Variants in SLC2A3 observed in about 807,000 individuals in gnomAD.
The protein encoded by SLC2A3 is solute carrier family 2, facilitated glucose transporter member 3.
SLC2A3 carries 21 observed loss-of-function variants against 46.4 expected under a neutral mutation model. The ratio of observed to expected loss-of-function variants is 0.45; its 90% CI spans 0.32 to 0.65. The LOEUF (loss-of-function observed/expected upper bound fraction) is 0.65, where lower values mean the gene tolerates loss of function less well. Among genes scored for constraint, SLC2A3 ranks in the 30% least tolerant of loss-of-function variants. SLC2A3 has a pLI of 0.04. For synonymous variants in SLC2A3, 213 were observed against 239.4 expected, an observed-to-expected ratio of 0.89 and a Z score of 1.02; for missense variants, 499 against 623.3, an observed-to-expected ratio of 0.80 and a Z score of 2.12.
Position 7,922,954 on chromosome 12 carries a change from C to G in SLC2A3, c.1139G>C (p.Gly380Ala). The change falls in exon 9 of 10, where the codon GGA (glycine) becomes GCA (alanine). Residue 380 changes from glycine (G) to alanine (A), a missense_variant. Gly to Ala is a moderately conservative substitution (Grantham distance 60, BLOSUM62 0). Coordinates refer to ENST00000075120, the MANE Select transcript of SLC2A3 (RefSeq NM_006931.3). ...ILVFVAFFEI[G>A]PGPIPWFIVA... ...AATAAACCAGGGAATGGGGCCTGGT[C>G]CAATTTCAAAGAAGGCTACAAAGAC... The G allele has an allele frequency of 6.2e-7, 1 of 1,614,084 alleles. No homozygotes were observed. Among genetic ancestry groups the G allele is most frequent in the Non-Finnish European group, 8.5e-7 (1 of 1,180,012 alleles).
chr12:7,933,466 G>C (rs7299608), intron 2 of SLC2A3: 202,252 of 466,554 alleles, frequency 0.43, 46,372 homozygotes, highest in Non-Finnish European at 0.49. Context: ...GTGGGAGGAA[G>C]AACAGCACCG....
intron 9 of SLC2A3, among the ~76,000 whole-genome samples, chr12:7,921,998 A>T (rs1212362541): frequency 2.0e-5 from 3 of 151,358 alleles, no homozygotes; most frequent in African/African-American, 7.3e-5. Flanking sequence ...TTTGAGACTA[A>T]CCTGGGCAAC....
chr12:7,926,984 T>C (rs115243640), intron 6 of SLC2A3, among the ~76,000 whole-genome samples: 3,663 of 152,230 alleles, frequency 0.024, 146 homozygotes, highest in African/African-American at 0.082. Flanking sequence ...GGGAACATTA[T>C]CTAGGTTACC....
rs780352471 is a variant in SLC2A3 at position 7,924,421 on chromosome 12, A to C, written c.1057T>G (p.Leu353Val). 1.9e-6 allele frequency: 3 copies of C among 1,610,836 alleles called. No individual in the cohort carries two copies. Among genetic ancestry groups the C allele is most frequent in the Non-Finnish European group, 2.5e-6 (3 of 1,179,230 alleles). The stretch of plus-strand genomic sequence containing the variant: ...CAAAGAGCACCTACCTTTAATAACA[A>C]AGAAACAGTCATGAGCGTGGAACAA... ...AFCSTLMTVS[L>V]LLKDNYNGMS... Residue 353 changes from leucine (L) to valine (V), a missense_variant, in exon 8 of 10, where the codon TTG becomes GTG. Transcript: ENST00000075120.
chr12:7,922,344 C>T (rs1946045800), intron 9 of SLC2A3, among the ~76,000 whole-genome samples: 1 of 152,118 alleles, frequency 6.6e-6, no homozygotes, highest in Non-Finnish European at 1.5e-5. Context: ...GAATTACAGG[C>T]TTGAGCCACT....
At chr12:7,927,938 A>T (rs79562756) in intron 6 of SLC2A3, among the ~76,000 whole-genome samples, 2,056 of 151,826 alleles carry the variant, frequency 0.014, 47 homozygotes, top group African/African-American at 0.047. Flanking sequence ...AAATACGAAA[A>T]AATAAGCAAG....
rs766100039 is a variant in SLC2A3, at chr12:7,923,016, A to G, written c.1077T>C (p.Tyr359=). ...CAATACAGACAAAGCTCATCCCATT[A>G]TAGTTATCCTGTAAGAGCAAGGAAC... is the stretch of plus-strand genomic sequence containing the variant. ...MTVSLLLKDN[Y]NGMSFVCIGA... The change falls in exon 9 of 10, where the codon TAT becomes TAC. Residue 359 remains tyrosine (Y), a synonymous_variant. Coordinates refer to ENST00000075120, the MANE Select transcript of SLC2A3 (RefSeq NM_006931.3). 6.2e-7 allele frequency: 1 copy of G among 1,613,148 alleles called. No homozygotes were observed. The highest frequency in any genetic ancestry group is 8.5e-7 in the Non-Finnish European group (1 of 1,179,598).
At chr12:7,934,954 G>T (rs542020371) in intron 1 of SLC2A3, among the ~76,000 whole-genome samples, 8 of 152,016 alleles carry the variant, frequency 5.3e-5, no homozygotes, top group Non-Finnish European at 1.0e-4. Flanking sequence ...TTCTTCTTTA[G>T]TCTCATAATT....
chr12:7,925,827 C>G lies in SLC2A3; in HGVS notation c.966+17G>C. On this transcript the variant is annotated intron_variant, in intron 7 of 9. Coordinates refer to ENST00000075120, the MANE Select transcript of SLC2A3 (RefSeq NM_006931.3). ...GATTCTTTTCTCCCCTCAAAATTAC[C>G]AAACCATCCAACTTACAGAAACTAC... 1 of 1,592,792 alleles carries G rather than the reference C, an allele frequency of 6.3e-7. No individual in the cohort carries two copies. The highest frequency in any genetic ancestry group is 8.6e-7 in the Non-Finnish European group (1 of 1,161,328).
chr12:7,922,398 A>G (rs1327337018), intron 9 of SLC2A3, among the ~76,000 whole-genome samples: 1 of 152,008 alleles, frequency 6.6e-6, no homozygotes, highest in Non-Finnish European at 1.5e-5. Flanking sequence ...TTATTTCTGC[A>G]ATTTTCCATT....
chr12:7,929,956 C>T (rs761163859), intron 5 of SLC2A3, 85 bp from the exon 6 acceptor site: 202 of 1,580,826 alleles, frequency 1.3e-4, no homozygotes, highest in East Asian at 1.3e-4. Context: ...AGGAAAGGGC[C>T]GCACGAGGTG....
Position 7,933,166 on chromosome 12 carries a change from G to C in SLC2A3, c.109-19C>G, listed in dbSNP as rs200208317. ...TTATGATCTGCAAAATAAAAGGGTT[G>C]GTGGAAGAACAGACTGTTACAGTTG... On this transcript the variant is annotated intron_variant, in intron 2 of 9. Transcript: ENST00000075120. The C allele has an allele frequency of 7.8e-5, 126 of 1,613,006 alleles. 1 individual carries two copies. Among genetic ancestry groups the C allele is most frequent in the Admixed American group, 3.3e-4 (20 of 59,936 alleles).
intron 6 of SLC2A3, 45 bp from the exon 7 acceptor site, chr12:7,925,993 C>A (rs757320858): frequency 6.7e-7 from 1 of 1,482,430 alleles, no homozygotes; most frequent in Non-Finnish European, 9.4e-7. Flanking sequence ...TTCTGCACAC[C>A]AGTTACACAG....
At chr12:7,930,442 CCATATAATT>C in intron 5 of SLC2A3, 29 bp downstream of exon 5, 1 of 1,589,726 alleles carries the variant, frequency 6.3e-7, no homozygotes, top group South Asian at 1.1e-5. Context: ...CAAACCACAA[CCATATAATT>C]CATGTAGTAA....
chr12:7,932,188 T>C (rs1337852877), intron 3 of SLC2A3, among the ~76,000 whole-genome samples: 1 of 151,894 alleles, frequency 6.6e-6, no homozygotes, highest in African/African-American at 2.4e-5. Flanking sequence ...TTTTTTTTTT[T>C]TGAGACGGGG....
chr12:7,929,714 C>T lies in SLC2A3; in HGVS notation c.831G>A (p.Gln277=). Residue 277 remains glutamine (Q), a synonymous_variant, in exon 6 of 10, where the codon CAG becomes CAA. Transcript: ENST00000075120. The part of the protein sequence containing the change: ...RQPIIISIVL[Q]LSQQLSGINA... ...TGATCCCAGAGAGCTGCTGAGAGAGCTGGAGCACAATGGAAATGATGATGG... is the reference window on the plus strand; with the variant it reads ...TGATCCCAGAGAGCTGCTGAGAGAGTTGGAGCACAATGGAAATGATGATGG... 6 of 1,613,338 alleles carry T rather than the reference C, an allele frequency of 3.7e-6. No homozygotes were observed. Among genetic ancestry groups the T allele is most frequent in the Non-Finnish European group, 5.1e-6 (6 of 1,179,578 alleles).
chr12:7,921,163 T>A lies in SLC2A3; in HGVS notation c.*250A>T. The stretch of plus-strand genomic sequence containing the variant: ...AAGTTGTCATGTGCCAAGCGGCCAA[T>A]CCCTCCTGAAATGAAGGTAGGTTCA... On this transcript the variant is annotated 3_prime_UTR_variant, in exon 10 of 10. Coordinates refer to ENST00000075120, the MANE Select transcript of SLC2A3 (RefSeq NM_006931.3). 1.2e-6 allele frequency: 1 copy of A among 804,214 alleles called. No individual in the cohort carries two copies. Among genetic ancestry groups the A allele is most frequent in the African/African-American group, 1.7e-5 (1 of 58,232 alleles). The allele number at this position is 804,214 out of a possible 1,614,324, so 49.8% of individuals were successfully genotyped here.
At position 7,932,978 on chromosome 12, in the gene SLC2A3, A is replaced by T; in HGVS notation, c.269+9T>A. 6.2e-7 allele frequency: 1 copy of T among 1,613,870 alleles called. No homozygotes were observed. The highest frequency in any genetic ancestry group is 8.5e-7 in the Non-Finnish European group (1 of 1,179,928). On this transcript the variant is annotated intron_variant, in intron 3 of 9. Transcript: ENST00000075120. ...GAGCCCACTTCCTTGCCCAGTTTCTAGTCAATACCTGCCAAAGCGGTTGAC... is the reference window on the plus strand; with the variant it reads ...GAGCCCACTTCCTTGCCCAGTTTCTTGTCAATACCTGCCAAAGCGGTTGAC...
rs761849988 is a variant in SLC2A3 at position 7,933,028 on chromosome 12, G to A, written c.228C>T (p.Ile76=). The change falls in exon 3 of 10, where the codon ATC becomes ATT. Residue 76 remains isoleucine (I), a synonymous_variant. Coordinates refer to ENST00000075120, the MANE Select transcript of SLC2A3 (RefSeq NM_006931.3). The part of the protein sequence containing the change: ...SVAIFSVGGM[I]GSFSVGLFVN... Reference sequence around the variant, plus strand: ...CGAAGAGTCCGACGGAAAAGGAGCCGATCATACCCCCGACGGAAAATATGG... The same window carrying A: ...CGAAGAGTCCGACGGAAAAGGAGCCAATCATACCCCCGACGGAAAATATGG... 5.0e-6 allele frequency: 8 copies of A among 1,613,954 alleles called. No homozygotes were observed. Among genetic ancestry groups the A allele is most frequent in the South Asian group, 3.3e-5 (3 of 91,082 alleles).
Sources: gnomAD v4.1 joint callset for allele counts (sites outside exome capture counted in the v4.1 genomes callset) on GRCh38, gnomAD v4.1.1 for gene constraint, MANE v1.5 for transcripts, NCBI Gene and HGNC (gene_info 2026-07-23, HGNC 2026-07-21) for gene names.